CACNA1D: variants seen among roughly 807,000 people sequenced by gnomAD.
The protein encoded by CACNA1D is calcium voltage-gated channel subunit alpha1 D, also known as voltage-dependent L-type calcium channel subunit alpha-1D.
Under a neutral mutation model 257.1 loss-of-function variants are expected in CACNA1D, and 55 were observed. The observed-to-expected ratio is 0.21, with a 90% CI of 0.17 to 0.27. The LOEUF (loss-of-function observed/expected upper bound fraction) is 0.27, where lower values mean the gene tolerates loss of function less well. Ranked by LOEUF, CACNA1D falls within the 10% of genes least tolerant of loss-of-function variation. The pLI is 1.00. For missense variants in CACNA1D, 1,876 were observed against 2,784.0 expected (o/e 0.67, Z 7.34); for synonymous variants, 980 against 1,014.9 (o/e 0.97, Z 0.65).
At chr3:53,788,783 C>G (rs952061946) in intron 40 of CACNA1D, among the ~76,000 whole-genome samples, 2 of 152,148 alleles carry the variant, frequency 1.3e-5, no homozygotes, top group African/African-American at 4.8e-5. Context: ...CATAGTCTGT[C>G]ATCGATGGTT....
chr3:53,600,002 A>G (rs535684733), intron 3 of CACNA1D, among the ~76,000 whole-genome samples: 75 of 152,384 alleles, frequency 4.9e-4, no homozygotes, highest in African/African-American at 1.8e-3. Flanking sequence ...TTACCCAAGC[A>G]TGGAAGAAAT....
intron 8 of CACNA1D, among the ~76,000 whole-genome samples, chr3:53,674,792 C>G (rs1005140390): frequency 1.3e-5 from 2 of 152,198 alleles, no homozygotes; most frequent in African/African-American, 4.8e-5. Flanking sequence ...ACCAGGAGGC[C>G]AAGAGGGGCC....
At chr3:53,706,497 A>G (rs1342366336) in intron 9 of CACNA1D, among the ~76,000 whole-genome samples, 1 of 152,198 alleles carries the variant, frequency 6.6e-6, no homozygotes, top group Non-Finnish European at 1.5e-5. Context: ...GAAGGGGATA[A>G]AGATATATCT....
At chr3:53,788,706 G>A (rs1402646377) in intron 40 of CACNA1D, among the ~76,000 whole-genome samples, 2 of 152,046 alleles carry the variant, frequency 1.3e-5, no homozygotes, top group Non-Finnish European at 1.5e-5. Flanking sequence ...TCTGCTTGTA[G>A]GGAACTGCTT....
At chr3:53,644,527 G>A (rs192987971) in intron 3 of CACNA1D, among the ~76,000 whole-genome samples, 124 of 152,190 alleles carry the variant, frequency 8.1e-4, no homozygotes, top group Non-Finnish European at 1.2e-3. Context: ...GCTTCTGTGC[G>A]TTCAGTGTTT....
chr3:53,692,512 A>G (rs1411413518), intron 8 of CACNA1D, among the ~76,000 whole-genome samples: 1 of 152,176 alleles, frequency 6.6e-6, no homozygotes, highest in East Asian at 1.9e-4. Flanking sequence ...GAGATCTGAC[A>G]TGACCAGATA....
At chr3:53,642,109 C>G (rs918541301) in intron 3 of CACNA1D, among the ~76,000 whole-genome samples, 1 of 152,178 alleles carries the variant, frequency 6.6e-6, no homozygotes, top group Non-Finnish European at 1.5e-5. Flanking sequence ...TTTTTGACTT[C>G]AGGCTCAACT....
intron 2 of CACNA1D, among the ~76,000 whole-genome samples, chr3:53,497,722 A>G (rs1268464502): frequency 6.6e-6 from 1 of 152,180 alleles, no homozygotes; most frequent in East Asian, 1.9e-4. Flanking sequence ...GAAACTTCAC[A>G]GGGGCAGATA....
Position 53,789,696 on chromosome 3 carries a change from T to C in CACNA1D, c.4923+2744T>C, listed in dbSNP as rs1007369281. Among the ~76,000 whole-genome samples, 11 of 152,172 alleles carry C rather than the reference T, an allele frequency of 7.2e-5. No homozygotes were observed. The highest frequency in any genetic ancestry group is 7.3e-5 in the Non-Finnish European group (5 of 68,028). On this transcript the variant is annotated intron_variant, in intron 40 of 47. Coordinates refer to ENST00000350061, the MANE Select transcript of CACNA1D (RefSeq NM_001128840.3). This position sits in a 1 kb window ranked among gnomAD's most constrained non-coding sequence, Gnocchi z 4.2. ...GGAAAGTGGAGCATGGCCGTCGCAG[T>C]GTGAGCGCAGAAGTGCGGACCTAGG...
rs1439981586 is a variant in CACNA1D, at chr3:53,666,355, G to T, written c.936G>T (p.Glu312Asp). ...FFADSDIVAEEDPAPCAFSGN... is the reference protein window; with the variant it reads ...FFADSDIVAEDDPAPCAFSGN... The stretch of plus-strand genomic sequence containing the variant: ...TGTTTGCAGATATCGTAGCTGAAGA[G>T]GACCCAGCTCCATGTGCGTTCTCAG... Residue 312 changes from glutamate to aspartate, a missense_variant, in exon 7 of 48, where the codon GAG becomes GAT. By Grantham distance (45) the Glu-to-Asp change is conservative (BLOSUM62 2). Around this residue, in one of 10 missense-constraint regions of CACNA1D, gnomAD observed 188 missense variants for 390.4 expected, o/e 0.48. Coordinates refer to ENST00000350061, the MANE Select transcript of CACNA1D (RefSeq NM_001128840.3). The T allele has an allele frequency of 6.2e-7, 1 of 1,613,860 alleles. No individual in the cohort carries two copies. Among genetic ancestry groups the T allele is most frequent in the Non-Finnish European group, 8.5e-7 (1 of 1,179,944 alleles).
At chr3:53,732,412 A>G (rs1032522040) in intron 18 of CACNA1D, among the ~76,000 whole-genome samples, 9 of 152,050 alleles carry the variant, frequency 5.9e-5, no homozygotes, top group Non-Finnish European at 1.3e-4. Context: ...TGTGGGTGGG[A>G]CTGTGGAGTT....
At chr3:53,496,387 T>C (rs2090346573) in intron 1 of CACNA1D, among the ~76,000 whole-genome samples, 1 of 152,226 alleles carries the variant, frequency 6.6e-6, no homozygotes, top group African/African-American at 2.4e-5. Context: ...CCAGTCAGTC[T>C]ATCCTAGGTG....
In CACNA1D at chr3:53,605,291, G is replaced by A. The variant is rs560672817; in HGVS notation, c.484-45488G>A. 5.9e-5 allele frequency among the ~76,000 whole-genome samples: 9 copies of A among 152,224 alleles called. No individual in the cohort carries two copies. The South Asian group carries it at 1.9e-3, about 32-fold the overall frequency. On this transcript the variant is annotated intron_variant, in intron 3 of 47. Transcript: ENST00000350061. ...TGGCACCGTGGGAAGTTCTTAGGGGGACAAATGAGGTATCATTTTCTGGCC... is the reference window on the plus strand; with the variant it reads ...TGGCACCGTGGGAAGTTCTTAGGGGAACAAATGAGGTATCATTTTCTGGCC...
chr3:53,798,338 CGT>C (rs59321196), intron 40 of CACNA1D, among the ~76,000 whole-genome samples: 3,932 of 141,698 alleles, frequency 0.028, 178 homozygotes, highest in African/African-American at 0.093. Context: ...CGTGTGTGTG[CGT>C]GTGTGTGTGC....
At position 53,665,516 on chromosome 3, in the gene CACNA1D, T is replaced by C. The variant is rs2094252837; in HGVS notation, c.767-144T>C. 10 of 686,220 alleles carry C rather than the reference T, an allele frequency of 1.5e-5. No individual in the cohort carries two copies. The East Asian group carries it at 2.7e-4, about 19-fold the overall frequency. The allele number at this position is 686,220 out of a possible 1,614,324, so 42.5% of individuals were successfully genotyped here. A position where few individuals can be genotyped will look rare whatever the true frequency, so the allele number is the denominator to read the frequency against. On this transcript the variant is annotated intron_variant, in intron 5 of 47. Transcript: ENST00000350061. ...TTTCAGTCTATCTCACATCCAGGCTTAATATTAATGAAAAGCTTTGAAATA... is the reference window on the plus strand; with the variant it reads ...TTTCAGTCTATCTCACATCCAGGCTCAATATTAATGAAAAGCTTTGAAATA...
intron 40 of CACNA1D, among the ~76,000 whole-genome samples, chr3:53,798,914 G>A (rs757225306): frequency 5.9e-5 from 9 of 152,192 alleles, no homozygotes; most frequent in Admixed American, 6.5e-5. Context: ...TCTCAGGGAT[G>A]GTCATCATGC....
chr3:53,771,199 G>C (rs1217103213), intron 32 of CACNA1D, among the ~76,000 whole-genome samples: 1 of 152,258 alleles, frequency 6.6e-6, no homozygotes, highest in African/African-American at 2.4e-5. Flanking sequence ...CCATTTGGAA[G>C]AGAAGGTGTG....
intron 3 of CACNA1D, among the ~76,000 whole-genome samples, chr3:53,503,767 T>A (rs1031238468): frequency 6.6e-6 from 1 of 152,178 alleles, no homozygotes; most frequent in Admixed American, 6.5e-5. Context: ...TTGAACTTTT[T>A]TTTTTTTTTG....
chr3:53,729,845 A>T (rs2094971972), intron 15 of CACNA1D, among the ~76,000 whole-genome samples: 1 of 152,230 alleles, frequency 6.6e-6, no homozygotes, highest in Non-Finnish European at 1.5e-5. Flanking sequence ...GGTGGCAGTA[A>T]GTCAGACACA....
Sources: gnomAD v4.1 joint callset for allele counts (sites outside exome capture counted in the v4.1 genomes callset) on GRCh38, gnomAD v4.1.1 for gene constraint, gnomAD v4.1.1 regional missense constraint, Gnocchi (gnomAD v3.1) non-coding constraint, MANE v1.5 for transcripts, NCBI Gene and HGNC (gene_info 2026-07-23, HGNC 2026-07-21) for gene names.